Variants in COL11A1 observed in about 807,000 individuals in gnomAD.
The protein encoded by COL11A1 is collagen alpha-1(XI) chain.
A neutral mutation model predicts 265.2 loss-of-function variants in COL11A1; 74 were observed. The observed-to-expected ratio is 0.28, with a 90% CI of 0.23 to 0.34. The LOEUF is 0.34. COL11A1 is among the 10% of genes least tolerant of loss of function. COL11A1 has a pLI of 1.00. For missense variants in COL11A1, 2,165 were observed against 2,263.6 expected, an observed-to-expected ratio of 0.96 and a Z score of 0.88; for synonymous variants, 816 against 727.6, an observed-to-expected ratio of 1.12 and a Z score of -1.96.
chr1:103,091,566 C>T (rs1673326418), intron 1 of COL11A1, among the ~76,000 whole-genome samples: 1 of 152,000 alleles, frequency 6.6e-6, no homozygotes, highest in Non-Finnish European at 1.5e-5. Flanking sequence ...GAAGCCCTTA[C>T]AGTTGTATAG....
intron 41 of COL11A1, among the ~76,000 whole-genome samples, chr1:102,953,707 T>C: frequency 6.6e-6 from 1 of 152,250 alleles, no homozygotes; most frequent in East Asian, 1.9e-4. Flanking sequence ...TCCAGAAAAT[T>C]ATATGGCATA....
chr1:102,943,494 C>T (rs1039988821), intron 42 of COL11A1, among the ~76,000 whole-genome samples: 2 of 149,266 alleles, frequency 1.3e-5, no homozygotes, highest in African/African-American at 5.0e-5. Context: ...CAAACAACCT[C>T]ATGGACTATT....
intron 41 of COL11A1, among the ~76,000 whole-genome samples, chr1:102,947,850 A>G (rs939799825): frequency 6.6e-5 from 10 of 152,070 alleles, no homozygotes; most frequent in African/African-American, 2.4e-4. Flanking sequence ...TTACTAAAAG[A>G]TAACAAAAAA....
At chr1:102,911,706 A>G (rs1654703274) in intron 54 of COL11A1, among the ~76,000 whole-genome samples, 1 of 152,186 alleles carries the variant, frequency 6.6e-6, no homozygotes, top group African/African-American at 2.4e-5. Flanking sequence ...GAGCCAGAGA[A>G]GTTTGACAGT....
intron 56 of COL11A1, 118 bp downstream of exon 56, chr1:102,898,547 CA>C: frequency 1.4e-6 from 1 of 719,232 alleles, no homozygotes; most frequent in Non-Finnish European, 2.3e-6. Context: ...ACAGAATTCC[CA>C]CAAAATTATC....
chr1:102,959,750 A>G (rs1333672431), intron 41 of COL11A1, among the ~76,000 whole-genome samples: 1 of 152,202 alleles, frequency 6.6e-6, no homozygotes, highest in Admixed American at 6.5e-5. Flanking sequence ...ACATATTTCA[A>G]TTAACATTTT....
chr1:102,952,124 G>A (rs958887410), intron 41 of COL11A1, among the ~76,000 whole-genome samples: 6 of 148,148 alleles, frequency 4.1e-5, no homozygotes, highest in African/African-American at 1.2e-4. Context: ...TTTTGAGATG[G>A]AGTCTTGCTC....
chr1:102,880,978 A>G (rs1650168222), intron 65 of COL11A1, among the ~76,000 whole-genome samples: 1 of 152,042 alleles, frequency 6.6e-6, no homozygotes. Context: ...TCCAGTGGAG[A>G]GTGTCAATAA....
chr1:102,962,031 T>G, intron 40 of COL11A1, 112 bp from the exon 41 acceptor site: 3 of 1,045,210 alleles, frequency 2.9e-6, no homozygotes, highest in Non-Finnish European at 4.4e-6. Context: ...TAGACATAAC[T>G]ACATATATAC....
At chr1:102,948,973 GA>G in intron 41 of COL11A1, among the ~76,000 whole-genome samples, 1 of 151,866 alleles carries the variant, frequency 6.6e-6, no homozygotes, top group East Asian at 1.9e-4. Flanking sequence ...CAGGAAGGAA[GA>G]AAAAAGTATA....
chr1:103,071,265 G>T (rs954977954), intron 4 of COL11A1, among the ~76,000 whole-genome samples: 1 of 151,822 alleles, frequency 6.6e-6, no homozygotes, highest in Admixed American at 6.6e-5. Context: ...TTAGGAAACA[G>T]AAATAATGAT....
In COL11A1 at chr1:102,886,829, G is replaced by C; in HGVS notation, c.4836C>G (p.Leu1612=). 6.2e-7 allele frequency: 1 copy of C among 1,613,916 alleles called. No individual in the cohort carries two copies. Among genetic ancestry groups the C allele is most frequent in the Non-Finnish European group, 8.5e-7 (1 of 1,179,826 alleles). The change falls in exon 63 of 67, where the codon CTC becomes CTG. Residue 1612 remains leucine, a synonymous_variant. Coordinates refer to ENST00000370096, the MANE Select transcript of COL11A1 (RefSeq NM_001854.4). ...TACCATCTGGGAAGTCAGGATGGCT[G>C]AGTTGCAGGTCTTTACAAGTTCGGG... is the stretch of plus-strand genomic sequence containing the variant. ...NPARTCKDLQ[L]SHPDFPDGEY...
chr1:102,928,885 G>C (rs368314403), intron 46 of COL11A1, among the ~76,000 whole-genome samples: 1 of 101,960 alleles, frequency 9.8e-6, no homozygotes, highest in Non-Finnish European at 2.3e-5. Context: ...TGGCTGCATA[G>C]ATGTCTTCTT....
chr1:102,954,361 T>C (rs1223874183), intron 41 of COL11A1, among the ~76,000 whole-genome samples: 1 of 152,208 alleles, frequency 6.6e-6, no homozygotes, highest in East Asian at 1.9e-4. Flanking sequence ...TATCAGTTAT[T>C]TTCACTGGAT....
chr1:102,964,253 A>C (rs1661189943), intron 38 of COL11A1, among the ~76,000 whole-genome samples: 1 of 152,340 alleles, frequency 6.6e-6, no homozygotes. Context: ...ATGGATATTA[A>C]GTATAATAGG....
chr1:102,984,179 C>T lies in COL11A1; in HGVS notation c.2515G>A (p.Val839Ile). The T allele has an allele frequency of 6.3e-7, 1 of 1,597,494 alleles. No homozygotes were observed. Among genetic ancestry groups the T allele is most frequent in the Non-Finnish European group, 8.6e-7 (1 of 1,167,278 alleles). ...CCTGGATATCCTGGTAATCCTGGAACTCCAAGTTTTCCCTACAGTTAAAAT... is the reference window on the plus strand; with the variant it reads ...CCTGGATATCCTGGTAATCCTGGAATTCCAAGTTTTCCCTACAGTTAAAAT... ...GQAGEKGKLG[V>I]PGLPGYPGRQ... Residue 839 changes from valine (V) to isoleucine (I), a missense_variant, in exon 31 of 67, where the codon GTT becomes ATT. Coordinates refer to ENST00000370096, the MANE Select transcript of COL11A1 (RefSeq NM_001854.4).
chr1:102,954,708 G>A (rs1488210440), intron 41 of COL11A1, among the ~76,000 whole-genome samples: 2 of 152,094 alleles, frequency 1.3e-5, no homozygotes, highest in Non-Finnish European at 2.9e-5. Context: ...ATCCGGGTTG[G>A]TGGTGGGTGC....
intron 64 of COL11A1, 61 bp from the exon 65 acceptor site, chr1:102,881,826 T>C (rs1039609113): frequency 1.0e-5 from 12 of 1,172,094 alleles, no homozygotes; most frequent in Non-Finnish European, 1.5e-5. Context: ...AAACAGTATT[T>C]TTATATACAT....
intron 41 of COL11A1, among the ~76,000 whole-genome samples, chr1:102,956,990 T>C (rs1660440088): frequency 6.6e-6 from 1 of 151,934 alleles, no homozygotes; most frequent in Non-Finnish European, 1.5e-5. Flanking sequence ...TAGCAAGAGA[T>C]TTCTTCCAAG....
Sources: gnomAD v4.1 joint callset for allele counts (sites outside exome capture counted in the v4.1 genomes callset) on GRCh38, gnomAD v4.1.1 for gene constraint, MANE v1.5 for transcripts, NCBI Gene and HGNC (gene_info 2026-07-23, HGNC 2026-07-21) for gene names.